FHIT: variants seen among roughly 807,000 people sequenced by gnomAD.
FHIT encodes the protein bis(5'-adenosyl)-triphosphatase.
In FHIT, 19 loss-of-function variants were observed where a neutral mutation model predicts 17.9. That is an observed-to-expected ratio of 1.06 (90% confidence interval 0.74 to 1.56). The LOEUF (loss-of-function observed/expected upper bound fraction) is 1.56. Among genes scored for constraint, FHIT ranks in the 40% most tolerant of loss-of-function variants. The pLI, the probability that FHIT is intolerant of heterozygous loss-of-function variation, is 0.00. For synonymous variants in FHIT, 81 were observed against 69.7 expected (o/e 1.16, Z -0.81); for missense variants, 248 against 189.2 (o/e 1.31, Z -1.82).
intron 4 of FHIT, among the ~76,000 whole-genome samples, chr3:60,733,503 A>C (rs2042074607): frequency 6.6e-6 from 1 of 152,026 alleles, no homozygotes; most frequent in Non-Finnish European, 1.5e-5. Flanking sequence ...GGGTTATGTC[A>C]TTCCTTGGTC....
At chr3:60,286,649 T>A (rs866993272) in intron 5 of FHIT, among the ~76,000 whole-genome samples, 10 of 152,302 alleles carry the variant, frequency 6.6e-5, no homozygotes, top group African/African-American at 2.4e-4. Context: ...ATAGCAACCA[T>A]AATGAAAATG....
At chr3:60,145,443 T>C (rs1454136284) in intron 5 of FHIT, among the ~76,000 whole-genome samples, 1 of 152,186 alleles carries the variant, frequency 6.6e-6, no homozygotes, top group Non-Finnish European at 1.5e-5. Flanking sequence ...ACCCAGTGTA[T>C]GCTGGATATG....
At chr3:60,937,713 G>A (rs1490440708) in intron 3 of FHIT, among the ~76,000 whole-genome samples, 4 of 151,764 alleles carry the variant, frequency 2.6e-5, no homozygotes, top group Admixed American at 6.6e-5. Flanking sequence ...ACAGGTGCAC[G>A]CCATCATGCC....
chr3:60,209,582 G>A (rs374429377), intron 5 of FHIT, among the ~76,000 whole-genome samples: 1 of 152,092 alleles, frequency 6.6e-6, no homozygotes, highest in East Asian at 1.9e-4. Context: ...CTCTGCAAAG[G>A]ATTTGTTTGT....
At chr3:60,205,280 G>T (rs550976671) in intron 5 of FHIT, among the ~76,000 whole-genome samples, 2 of 152,028 alleles carry the variant, frequency 1.3e-5, no homozygotes, top group Non-Finnish European at 2.9e-5. Flanking sequence ...ATAAAAGAAT[G>T]AGTAATATTC....
At chr3:59,772,568 C>A (rs1011961068) in intron 8 of FHIT, among the ~76,000 whole-genome samples, 1 of 152,200 alleles carries the variant, frequency 6.6e-6, no homozygotes, top group Non-Finnish European at 1.5e-5. Flanking sequence ...AGGCACAGGG[C>A]TGGGATGCAA....
chr3:59,929,060 T>C (rs1037394879), intron 7 of FHIT, among the ~76,000 whole-genome samples: 10 of 136,362 alleles, frequency 7.3e-5, no homozygotes, highest in Non-Finnish European at 1.4e-4. Flanking sequence ...AGTGGAGAAA[T>C]TGGAACCCTT....
chr3:60,296,678 C>A (rs1708227319), intron 5 of FHIT, among the ~76,000 whole-genome samples: 1 of 151,924 alleles, frequency 6.6e-6, no homozygotes. Flanking sequence ...ATCAATTTTT[C>A]CTTTTATGGC....
intron 5 of FHIT, among the ~76,000 whole-genome samples, chr3:60,332,045 G>T (rs1710003578): frequency 6.6e-6 from 1 of 151,908 alleles, no homozygotes; most frequent in Non-Finnish European, 1.5e-5. Flanking sequence ...CTGCAAACTA[G>T]AACAAGTGCC....
intron 7 of FHIT, among the ~76,000 whole-genome samples, chr3:59,951,988 G>A (rs1373756295): frequency 6.6e-6 from 1 of 152,150 alleles, no homozygotes; most frequent in Non-Finnish European, 1.5e-5. Context: ...GTGTGGCCTT[G>A]ATTTGCCTCC....
At chr3:59,990,925 G>A (rs1486187989) in intron 7 of FHIT, among the ~76,000 whole-genome samples, 1 of 84,328 alleles carries the variant, frequency 1.2e-5, no homozygotes, top group Non-Finnish European at 2.3e-5. Context: ...TAAACACATA[G>A]TAATGTGGAA....
At chr3:60,480,106 C>A (rs143696983) in intron 5 of FHIT, among the ~76,000 whole-genome samples, 4 of 152,064 alleles carry the variant, frequency 2.6e-5, no homozygotes, top group Admixed American at 6.6e-5. Context: ...CTTACAATCA[C>A]GGCAGAAGGC....
At chr3:59,876,519 C>T (rs1703169340) in intron 8 of FHIT, among the ~76,000 whole-genome samples, 2 of 152,058 alleles carry the variant, frequency 1.3e-5, no homozygotes, top group Non-Finnish European at 2.9e-5. Context: ...TCAAAGGAGA[C>T]CAATGTTCCA....
At chr3:60,044,228 T>C (rs1203701500) in intron 5 of FHIT, among the ~76,000 whole-genome samples, 2 of 152,316 alleles carry the variant, frequency 1.3e-5, no homozygotes, top group East Asian at 3.9e-4. Flanking sequence ...CAGATCTTAA[T>C]TATAAAAGAA....
chr3:60,298,010 T>C (rs947905343), intron 5 of FHIT, among the ~76,000 whole-genome samples: 1 of 152,006 alleles, frequency 6.6e-6, no homozygotes, highest in Non-Finnish European at 1.5e-5. Flanking sequence ...GGGAAATGCT[T>C]TACTTATGCA....
rs528538788 is a variant in FHIT at position 59,988,932 on chromosome 3, G to T, written c.279+22439C>A. Reference sequence around the variant, plus strand: ...CTCTAAGACAGATTCTCCCACCTATGCTGACAGCATGCACAATTTCAGCTC... The same window carrying T: ...CTCTAAGACAGATTCTCCCACCTATTCTGACAGCATGCACAATTTCAGCTC... On this transcript the variant is annotated intron_variant, in intron 7 of 9. Transcript: ENST00000492590. Among the ~76,000 whole-genome samples, 26 of 152,224 alleles carry T rather than the reference G, an allele frequency of 1.7e-4. No individual in the cohort carries two copies. The East Asian group carries it at 5.0e-3, about 29-fold the overall frequency.
At position 60,048,597 on chromosome 3, in the gene FHIT, A is replaced by C. The variant is rs747255282; in HGVS notation, c.104-34445T>G. On this transcript the variant is annotated intron_variant, in intron 5 of 9. Transcript: ENST00000492590. Reference sequence around the variant, plus strand: ...CGCACCCCATAACAGCAGGTGTGTTAACGTTCTACAAAACGCAACGGTGGG... The same window carrying C: ...CGCACCCCATAACAGCAGGTGTGTTCACGTTCTACAAAACGCAACGGTGGG... 9.8e-5 allele frequency among the ~76,000 whole-genome samples: 15 copies of C among 152,346 alleles called. No individual in the cohort carries two copies. In the East Asian group the frequency reaches 2.5e-3, roughly 25 times the overall value.
chr3:61,014,993 C>A, intron 3 of FHIT, among the ~76,000 whole-genome samples: 1 of 150,768 alleles, frequency 6.6e-6, no homozygotes, highest in South Asian at 2.1e-4. Context: ...AAAAGGTATG[C>A]GTAAAAAGGA....
chr3:60,167,541 G>A (rs1307523314), intron 5 of FHIT, among the ~76,000 whole-genome samples: 1 of 152,186 alleles, frequency 6.6e-6, no homozygotes, highest in Non-Finnish European at 1.5e-5. Context: ...ACAGGACTTA[G>A]AGGATAACTG....
Sources: gnomAD v4.1 joint callset for allele counts (sites outside exome capture counted in the v4.1 genomes callset) on GRCh38, gnomAD v4.1.1 for gene constraint, MANE v1.5 for transcripts, NCBI Gene and HGNC (gene_info 2026-07-23, HGNC 2026-07-21) for gene names.